Variants in PLCL2 observed in about 807,000 individuals in gnomAD.
PLCL2 encodes phospholipase C like 2, also known as inactive phospholipase C-like protein 2.
Under a neutral mutation model 79.6 loss-of-function variants are expected in PLCL2, and 4 were observed. That is an observed-to-expected ratio of 0.05 (90% CI 0.02 to 0.11). The LOEUF is 0.11. PLCL2 is among the 10% of genes least tolerant of loss of function. The pLI is 1.00. For synonymous variants in PLCL2, 484 were observed against 457.7 expected, an observed-to-expected ratio of 1.06 and a Z score of -0.73; for missense variants, 895 against 1,291.0, an observed-to-expected ratio of 0.69 and a Z score of 4.70.
At chr3:16,956,620 G>A (rs1330673243) in intron 1 of PLCL2, among the ~76,000 whole-genome samples, 6 of 151,866 alleles carry the variant, frequency 4.0e-5, no homozygotes, top group Non-Finnish European at 8.8e-5. Context: ...GCTCCTCCTT[G>A]TACCTCTGGT....
At position 16,990,330 on chromosome 3, in the gene PLCL2, C is replaced by G. The variant is rs555802875; in HGVS notation, c.328-19344C>G. On this transcript the variant is annotated intron_variant, in intron 1 of 5. Transcript: ENST00000615277. Reference sequence around the variant, plus strand: ...AGAAGACAGACCAGAGCCTGACACCCAGTCTTTTTCACTTAGGTACTCTAT... The same window carrying G: ...AGAAGACAGACCAGAGCCTGACACCGAGTCTTTTTCACTTAGGTACTCTAT... Among the ~76,000 whole-genome samples the G allele has an allele frequency of 3.3e-5, 5 of 152,294 alleles. No homozygotes were observed. The South Asian group carries it at 1.0e-3, about 32-fold the overall frequency.
chr3:17,070,493 T>C (rs2065051499), intron 5 of PLCL2, among the ~76,000 whole-genome samples: 1 of 152,316 alleles, frequency 6.6e-6, no homozygotes, highest in South Asian at 2.1e-4. Flanking sequence ...GGTCTTTTTT[T>C]AATTTCCAGG....
intron 1 of PLCL2, among the ~76,000 whole-genome samples, chr3:16,947,578 A>C (rs1305679419): frequency 6.6e-6 from 1 of 152,170 alleles, no homozygotes; most frequent in Non-Finnish European, 1.5e-5. Context: ...TTAGAAACGG[A>C]ATATCCTCTG....
rs193005894 is a variant in PLCL2 at position 16,967,856 on chromosome 3, G to A, written c.328-41818G>A. ...TTTGCCAAGACCTATGTCTCAAATA[G>A]CATTTCTTACGTTATCTTCCAGAAT... On this transcript the variant is annotated intron_variant, in intron 1 of 5. Coordinates refer to ENST00000615277, the MANE Select transcript of PLCL2 (RefSeq NM_001144382.2). 4.2e-3 allele frequency among the ~76,000 whole-genome samples: 643 copies of A among 152,120 alleles called. 6 individuals carry two copies. Among genetic ancestry groups the A allele is most frequent in the African/African-American group, 0.014 (599 of 41,520 alleles).
At chr3:16,988,272 C>T (rs1429851580) in intron 1 of PLCL2, among the ~76,000 whole-genome samples, 3 of 151,974 alleles carry the variant, frequency 2.0e-5, no homozygotes, top group Non-Finnish European at 4.4e-5. Context: ...TTAATTTGGT[C>T]GGGGTATATT....
At chr3:17,034,939 A>G (rs893265517) in intron 3 of PLCL2, among the ~76,000 whole-genome samples, 63 of 152,252 alleles carry the variant, frequency 4.1e-4, no homozygotes, top group Middle Eastern at 3.4e-3. Flanking sequence ...ACACGCCTGT[A>G]AATGTTTAGC....
chr3:17,060,157 A>G (rs1460172964), intron 4 of PLCL2, among the ~76,000 whole-genome samples: 2 of 152,164 alleles, frequency 1.3e-5, no homozygotes, highest in Non-Finnish European at 2.9e-5. Flanking sequence ...TGGCATGGTA[A>G]TTAGATTCCA....
At chr3:16,929,257 C>T (rs895283772) in intron 1 of PLCL2, among the ~76,000 whole-genome samples, 1 of 152,096 alleles carries the variant, frequency 6.6e-6, no homozygotes, top group Non-Finnish European at 1.5e-5. Context: ...GGACTTGTCT[C>T]AGAGCCTATA....
rs369586715 is a variant in PLCL2, at chr3:17,014,091, C to G, written c.2815-617C>G. 5.9e-5 allele frequency among the ~76,000 whole-genome samples: 9 copies of G among 152,218 alleles called. 1 individual carries two copies. The highest frequency in any genetic ancestry group is 6.5e-5 in the Admixed American group (1 of 15,284). ...TAATGGGTATTTAAATGGCATATCT[C>G]TGGTGATTAGAAAAAAGAGAGAGAG... On this transcript the variant is annotated intron_variant, in intron 2 of 5. Coordinates refer to ENST00000615277, the MANE Select transcript of PLCL2 (RefSeq NM_001144382.2).
chr3:17,050,850 G>GT (rs1282809850), intron 4 of PLCL2, among the ~76,000 whole-genome samples: 1 of 152,180 alleles, frequency 6.6e-6, no homozygotes, highest in Non-Finnish European at 1.5e-5. Context: ...GCACTCCCAT[G>GT]TTTTTTGCAG....
intron 1 of PLCL2, among the ~76,000 whole-genome samples, chr3:16,923,541 T>G (rs1451264072): frequency 6.6e-6 from 1 of 152,218 alleles, no homozygotes; most frequent in Non-Finnish European, 1.5e-5. Context: ...CTTTCAGACT[T>G]TCACTCTTCT....
chr3:16,956,344 T>C (rs1337604609), intron 1 of PLCL2, among the ~76,000 whole-genome samples: 1 of 152,192 alleles, frequency 6.6e-6, no homozygotes, highest in African/African-American at 2.4e-5. Context: ...TTGATTTGCA[T>C]ATGTTGAACC....
At chr3:17,023,421 A>C (rs1476496890) in intron 3 of PLCL2, among the ~76,000 whole-genome samples, 1 of 152,156 alleles carries the variant, frequency 6.6e-6, no homozygotes, top group African/African-American at 2.4e-5. Flanking sequence ...GGAGGGACCC[A>C]GGGGGAGGTA....
At chr3:17,082,879 T>C (rs1385670594) in intron 5 of PLCL2, among the ~76,000 whole-genome samples, 1 of 152,154 alleles carries the variant, frequency 6.6e-6, no homozygotes, top group Admixed American at 6.5e-5. Context: ...ATTTGTAATA[T>C]ATATATAATG....
chr3:17,068,114 G>T (rs781237458), intron 5 of PLCL2, 49 bp downstream of exon 5: 2 of 977,812 alleles, frequency 2.0e-6, no homozygotes, highest in Admixed American at 1.8e-5. Flanking sequence ...GCCTCTTTCA[G>T]CATGCTTCCC....
At chr3:17,050,942 A>T (rs568302054) in intron 4 of PLCL2, among the ~76,000 whole-genome samples, 2 of 152,362 alleles carry the variant, frequency 1.3e-5, no homozygotes, top group East Asian at 3.9e-4. Context: ...ATACTTATAC[A>T]CAATGGAGTG....
At chr3:17,075,368 G>C (rs369190402) in intron 5 of PLCL2, among the ~76,000 whole-genome samples, 1 of 151,988 alleles carries the variant, frequency 6.6e-6, no homozygotes, top group South Asian at 2.1e-4. Context: ...AAAATAATTA[G>C]TAACATCAAA....
chr3:16,944,131 C>T (rs2063580036), intron 1 of PLCL2, among the ~76,000 whole-genome samples: 1 of 152,186 alleles, frequency 6.6e-6, no homozygotes, highest in Non-Finnish European at 1.5e-5. Flanking sequence ...TATTGAGCCT[C>T]AGCTGCCTGA....
At chr3:16,962,444 A>T in intron 1 of PLCL2, among the ~76,000 whole-genome samples, 1 of 147,630 alleles carries the variant, frequency 6.8e-6, no homozygotes, top group African/African-American at 2.5e-5. Context: ...TTCCCCAAGG[A>T]CCTTTGATGT....
Sources: gnomAD v4.1 joint callset for allele counts (sites outside exome capture counted in the v4.1 genomes callset) on GRCh38, gnomAD v4.1.1 for gene constraint, MANE v1.5 for transcripts, NCBI Gene and HGNC (gene_info 2026-07-23, HGNC 2026-07-21) for gene names.